Variants in NOVA2 observed in about 807,000 individuals in gnomAD.
NOVA2 encodes NOVA alternative splicing regulator 2, also known as RNA-binding protein Nova-2.
NOVA2 carries 9 observed loss-of-function variants against 22.5 expected under a neutral mutation model. The ratio of observed to expected loss-of-function variants is 0.40; its 90% CI spans 0.24 to 0.70. The LOEUF is 0.70. Ranked by LOEUF, NOVA2 falls within the 30% of genes least tolerant of loss-of-function variation. NOVA2 has a pLI of 0.38. For synonymous variants in NOVA2, 318 were observed against 335.2 expected (o/e 0.95, Z 0.56); for missense variants, 383 against 682.8 (o/e 0.56, Z 4.89).
intron 3 of NOVA2, among the ~76,000 whole-genome samples, chr19:45,949,418 A>C (rs1437213171): frequency 6.6e-6 from 1 of 152,046 alleles, no homozygotes; most frequent in Non-Finnish European, 1.5e-5. Context: ...AGTGGTATTT[A>C]GTCTGTGATG....
At chr19:45,949,731 C>T (rs943755444) in intron 3 of NOVA2, among the ~76,000 whole-genome samples, 3 of 141,714 alleles carry the variant, frequency 2.1e-5, no homozygotes, top group African/African-American at 5.3e-5. Flanking sequence ...AGGTCCAAAT[C>T]GTAGGTTGTT....
rs1330398026 is a variant in NOVA2, at chr19:45,940,409, G to A, written c.933C>T (p.Ala311=). The A allele has an allele frequency of 4.8e-6, 7 of 1,466,956 alleles. No individual in the cohort carries two copies. In the Admixed American group the frequency reaches 1.1e-4, roughly 24 times the overall value. 90.9% of individuals were successfully genotyped at this position (1,466,956 alleles called of 1,614,324 possible). The change falls in exon 4 of 4, where the codon GCC becomes GCT. Residue 311 remains alanine, a synonymous_variant. Transcript: ENST00000263257. ...NSAAASGVLA[A]VAAGANPAAA... Reference sequence around the variant, plus strand: ...CTGCTGGGTTGGCCCCGGCGGCCACGGCGGCCAGGACGCCGGAAGCTGCGG... The same window carrying A: ...CTGCTGGGTTGGCCCCGGCGGCCACAGCGGCCAGGACGCCGGAAGCTGCGG...
intron 3 of NOVA2, among the ~76,000 whole-genome samples, chr19:45,943,472 G>A (rs577806571): frequency 6.3e-4 from 96 of 151,534 alleles, no homozygotes; most frequent in Non-Finnish European, 1.1e-3. Flanking sequence ...CCAGCACCTC[G>A]GGAGGCCAAG....
chr19:45,962,107 C>T (rs938536456), intron 1 of NOVA2, among the ~76,000 whole-genome samples: 1 of 152,114 alleles, frequency 6.6e-6, no homozygotes, highest in Non-Finnish European at 1.5e-5. Context: ...TCCTCTGATG[C>T]CCATGAGGGG....
chr19:45,954,855 G>GGTGTGTGTGT (rs10598680), intron 2 of NOVA2, among the ~76,000 whole-genome samples: 1 of 144,696 alleles, frequency 6.9e-6, no homozygotes, highest in African/African-American at 2.6e-5. Flanking sequence ...GCTGGTGAGT[G>GGTGTGTGTGT]GTGTGTGTGT....
Position 45,937,432 on chromosome 19 carries a change from G to A in NOVA2, c.*2431C>T, listed in dbSNP as rs1967671400. ...CCTCATAGGGTCCTGGGGGGCTGTAGGGGGATATTCCAGCTAGATACTGTA... is the reference window on the plus strand; with the variant it reads ...CCTCATAGGGTCCTGGGGGGCTGTAAGGGGATATTCCAGCTAGATACTGTA... On this transcript the variant is annotated 3_prime_UTR_variant, in exon 4 of 4. Transcript: ENST00000263257. 6.6e-6 allele frequency: 1 copy of A among 152,468 alleles called. No homozygotes were observed. Among genetic ancestry groups the A allele is most frequent in the Non-Finnish European group, 1.5e-5 (1 of 68,286 alleles). The allele number at this position is 152,468 out of a possible 1,614,324, so 9.4% of individuals were successfully genotyped here.
chr19:45,938,001 C>T lies in NOVA2; in HGVS notation c.*1862G>A, dbSNP rs988133407. 1 of 152,048 alleles carries T rather than the reference C, an allele frequency of 6.6e-6. No homozygotes were observed. Among genetic ancestry groups the T allele is most frequent in the Non-Finnish European group, 1.5e-5 (1 of 67,992 alleles). 9.4% of individuals were successfully genotyped at this position (152,048 alleles called of 1,614,324 possible). On this transcript the variant is annotated 3_prime_UTR_variant, in exon 4 of 4. Transcript: ENST00000263257. ...TAGAGAAGAAAAGGGTTTGGAAGAC[C>T]TAGGAGGCGGACAAATGGGGGAGAG...
chr19:45,962,080 T>G (rs928513495), intron 1 of NOVA2, among the ~76,000 whole-genome samples: 1 of 151,276 alleles, frequency 6.6e-6, no homozygotes, highest in African/African-American at 2.4e-5. Context: ...GTGGCCTGAC[T>G]TAGGTTTTAG....
In NOVA2 at chr19:45,970,040, C is replaced by T. The variant is rs138041460; in HGVS notation, c.85+3227G>A. Reference sequence around the variant, plus strand: ...AAAAATAGGGTCCATTCTAGTGTCTCCCCACACAATGGAGCCAGCCGCCTA... The same window carrying T: ...AAAAATAGGGTCCATTCTAGTGTCTTCCCACACAATGGAGCCAGCCGCCTA... On this transcript the variant is annotated intron_variant, in intron 1 of 3. Transcript: ENST00000263257. 1.3e-3 allele frequency among the ~76,000 whole-genome samples: 198 copies of T among 152,282 alleles called. No individual in the cohort carries two copies. In the East Asian group the frequency reaches 0.031, roughly 24 times the overall value.
chr19:45,960,780 GC>G (rs1314153070), intron 2 of NOVA2, among the ~76,000 whole-genome samples: 3 of 152,174 alleles, frequency 2.0e-5, no homozygotes, highest in Non-Finnish European at 4.4e-5. Flanking sequence ...ATGCAAATGA[GC>G]TCATGAATAT....
chr19:45,952,618 C>G (rs1293033846), intron 3 of NOVA2, among the ~76,000 whole-genome samples: 2 of 152,210 alleles, frequency 1.3e-5, no homozygotes, highest in Admixed American at 1.3e-4. Context: ...CCCTTGTGGC[C>G]ACGACCAAGG....
intron 3 of NOVA2, among the ~76,000 whole-genome samples, chr19:45,950,346 A>G (rs1967906084): frequency 6.6e-6 from 1 of 151,658 alleles, no homozygotes. Context: ...TTTTTAGTAG[A>G]GATGGGGTTT....
intron 2 of NOVA2, among the ~76,000 whole-genome samples, chr19:45,956,354 T>C (rs1232668386): frequency 6.6e-6 from 1 of 152,128 alleles, no homozygotes; most frequent in Non-Finnish European, 1.5e-5. Context: ...TCCATCCCCT[T>C]GTAGTTTTTA....
chr19:45,958,213 A>G (rs1194018670), intron 2 of NOVA2, among the ~76,000 whole-genome samples: 1 of 151,832 alleles, frequency 6.6e-6, no homozygotes, highest in Non-Finnish European at 1.5e-5. Context: ...TCTGCATTTC[A>G]GTTGCTCCAT....
Position 45,934,725 on chromosome 19 carries a change from G to A in NOVA2, c.*5138C>T, listed in dbSNP as rs2146401163. On this transcript the variant is annotated 3_prime_UTR_variant, in exon 4 of 4. Coordinates refer to ENST00000263257, the MANE Select transcript of NOVA2 (RefSeq NM_002516.4). Reference sequence around the variant, plus strand: ...GGGGGGCACACGAAGGAGGGGGTCAGAGTGAGCGCTCCATTTGAGGGAGGC... The same window carrying A: ...GGGGGGCACACGAAGGAGGGGGTCAAAGTGAGCGCTCCATTTGAGGGAGGC... 6.6e-6 allele frequency: 1 copy of A among 152,380 alleles called. No individual in the cohort carries two copies. Among genetic ancestry groups the A allele is most frequent in the East Asian group, 1.9e-4 (1 of 5,170 alleles). The allele number at this position is 152,380 out of a possible 1,614,324, so 9.4% of individuals were successfully genotyped here.
chr19:45,949,886 G>A (rs1250451213), intron 3 of NOVA2, among the ~76,000 whole-genome samples: 3 of 151,872 alleles, frequency 2.0e-5, no homozygotes, highest in Admixed American at 6.6e-5. Flanking sequence ...GATTACAGGC[G>A]CCTGCCACCA....
intron 1 of NOVA2, among the ~76,000 whole-genome samples, chr19:45,968,298 G>C (rs1968192010): frequency 6.6e-6 from 1 of 152,022 alleles, no homozygotes; most frequent in Non-Finnish European, 1.5e-5. Context: ...TCGGGAGCCT[G>C]TGGGGATGCT....
intron 1 of NOVA2, among the ~76,000 whole-genome samples, chr19:45,972,124 G>T (rs888014003): frequency 1.3e-5 from 2 of 151,716 alleles, no homozygotes; most frequent in African/African-American, 4.9e-5. Flanking sequence ...CATACACACA[G>T]CTGGGTGTCA....
In NOVA2 at chr19:45,935,696, A is replaced by G. The variant is rs1967644330; in HGVS notation, c.*4167T>C. 6.6e-6 allele frequency: 1 copy of G among 152,416 alleles called. No homozygotes were observed. The highest frequency in any genetic ancestry group is 2.4e-5 in the African/African-American group (1 of 41,466). 9.4% of individuals were successfully genotyped at this position (152,416 alleles called of 1,614,324 possible). On this transcript the variant is annotated 3_prime_UTR_variant, in exon 4 of 4. Transcript: ENST00000263257. ...CACAGCCTCTAATCCCGGTCCTGAA[A>G]CAGCAATCATCCATTCAGGGGGACT...
Sources: gnomAD v4.1 joint callset for allele counts (sites outside exome capture counted in the v4.1 genomes callset) on GRCh38, gnomAD v4.1.1 for gene constraint, MANE v1.5 for transcripts, NCBI Gene and HGNC (gene_info 2026-07-23, HGNC 2026-07-21) for gene names.